ZNF81: variants seen among roughly 807,000 people sequenced by gnomAD.
ZNF81 encodes zinc finger protein 81, also known as zinc finger protein 81 (HFZ20).
ZNF81 carries 5 observed loss-of-function variants against 32.3 expected under a neutral mutation model. That is an observed-to-expected ratio of 0.15 (90% CI 0.08 to 0.33). The LOEUF (loss-of-function observed/expected upper bound fraction) is 0.33. ZNF81 is among the 10% of genes least tolerant of loss of function. ZNF81 has a pLI of 1.00. For missense variants in ZNF81, 379 were observed against 479.8 expected (o/e 0.79, Z 1.96); for synonymous variants, 163 against 166.8 (o/e 0.98, Z 0.17).
intron 2 of ZNF81, among the ~76,000 whole-genome samples, chrX:47,880,925 C>CTGCAGGGTACTGAGGTGG (rs1413458519): frequency 1.3e-4 from 14 of 111,872 alleles, no homozygotes; most frequent in African/African-American, 4.2e-4. Context: ...GGTGGGGACT[C>CTGCAGGGTACTGAGGTGG]TGCAGGGTCC....
chrX:47,920,191 G>C lies in ZNF81; in HGVS notation c.*3559G>C, dbSNP rs1358264864. ...CTATTGTTATCTTATGCTTGAGGTAGGCACTGGTTTGCCCAGAGAATTTTT... is the reference window on the plus strand; with the variant it reads ...CTATTGTTATCTTATGCTTGAGGTACGCACTGGTTTGCCCAGAGAATTTTT... On this transcript the variant is annotated 3_prime_UTR_variant, in exon 5 of 5. Coordinates refer to ENST00000338637, the MANE Select transcript of ZNF81 (RefSeq NM_007137.5). 1.8e-5 allele frequency: 2 copies of C among 111,873 alleles called. No homozygotes were observed. Among genetic ancestry groups the C allele is most frequent in the African/African-American group, 6.5e-5 (2 of 30,730 alleles). 9.2% of individuals were successfully genotyped at this position (111,873 alleles called of 1,213,427 possible).
At position 47,923,522 on chromosome X, in the gene ZNF81, T is replaced by A. The variant is rs1314257372; in HGVS notation, c.*6890T>A. 8.9e-6 allele frequency among the ~76,000 whole-genome samples: 1 copy of A among 112,046 alleles called. No homozygotes were observed. The highest frequency in any genetic ancestry group is 1.9e-5 in the Non-Finnish European group (1 of 53,179). ...ATGGAGGACTTGTCCAAATTAGACA[T>A]CAATTCATATGAGGATGGAAAATTG... On this transcript the variant is annotated 3_prime_UTR_variant, in exon 5 of 5. Coordinates refer to ENST00000338637, the MANE Select transcript of ZNF81 (RefSeq NM_007137.5).
chrX:47,855,495 T>A (rs2058513096), intron 2 of ZNF81, among the ~76,000 whole-genome samples: 1 of 111,716 alleles, frequency 9.0e-6, no homozygotes, highest in African/African-American at 3.3e-5. Context: ...TCCTGTTCCA[T>A]TGAGCTAATA....
At position 47,855,451 on chromosome X, in the gene ZNF81, ACT is replaced by A. The variant is rs1465391827; in HGVS notation, c.54+9133_54+9134del. ...GCCTATACATACATTCCAAGATATA[ACT>A]CTGAGTATATTGGGTATATTTCTGG... On this transcript the variant is annotated intron_variant, in intron 2 of 4. Coordinates refer to ENST00000338637, the MANE Select transcript of ZNF81 (RefSeq NM_007137.5). 7.3e-5 allele frequency among the ~76,000 whole-genome samples: 8 copies of A among 110,238 alleles called. 1 individual carries two copies. In the South Asian group the frequency reaches 3.1e-3, roughly 42 times the overall value.
chrX:47,852,512 C>T (rs2058499563), intron 2 of ZNF81, among the ~76,000 whole-genome samples: 1 of 112,162 alleles, frequency 8.9e-6, no homozygotes, highest in Non-Finnish European at 1.9e-5. Context: ...CTGTCATTTC[C>T]ACACTGTCCA....
Position 47,922,750 on chromosome X carries a change from AC to A in ZNF81, c.*6119del, listed in dbSNP as rs2058781068. On this transcript the variant is annotated 3_prime_UTR_variant, in exon 5 of 5. Transcript: ENST00000338637. Reference sequence around the variant, plus strand: ...AGTACCACAAATTGGGCAGCCTAAAACAGCAGAAATTGTCTCATTGTTCTTG... The same window carrying A: ...AGTACCACAAATTGGGCAGCCTAAAAAGCAGAAATTGTCTCATTGTTCTTG... Among the ~76,000 whole-genome samples, 1 of 111,849 alleles carries A rather than the reference AC, an allele frequency of 8.9e-6. No individual in the cohort carries two copies. The highest frequency in any genetic ancestry group is 1.9e-5 in the Non-Finnish European group (1 of 53,159).
In ZNF81 at chrX:47,916,570, G is replaced by A. The variant is rs188666629; in HGVS notation, c.1924G>A (p.Asp642Asn). ...HTGDKPYKCS[D>N]CGKGFTQKSV... ...TGGAGATAAACCGTATAAATGCAGC[G>A]ACTGTGGAAAGGGGTTCACCCAGAA... The change falls in exon 5 of 5, where the codon GAC (aspartate) becomes AAC (asparagine). Residue 642 changes from aspartate (D) to asparagine (N), a missense_variant. Around this residue, in one of 2 missense-constraint regions of ZNF81, gnomAD observed 102 missense variants for 173.2 expected, o/e 0.59. Transcript: ENST00000338637. The A allele has an allele frequency of 2.1e-5, 25 of 1,200,619 alleles. No homozygotes were observed. The highest frequency in any genetic ancestry group is 8.9e-5 in the East Asian group (3 of 33,660).
At position 47,915,221 on chromosome X, in the gene ZNF81, G is replaced by A. The variant is rs1556890481; in HGVS notation, c.575G>A (p.Arg192His). 11 of 1,209,115 alleles carry A rather than the reference G, an allele frequency of 9.1e-6. No individual in the cohort carries two copies. The highest frequency in any genetic ancestry group is 3.0e-5 in the East Asian group (1 of 33,814). ...LILSQKRPHK[R>H]DSFGKSFKHN... ...CTTTCACAGAAAAGACCCCATAAAC[G>A]TGATTCATTTGGGAAGAGTTTTAAG... Residue 192 changes from arginine (R) to histidine (H), a missense_variant, in exon 5 of 5, where the codon CGT becomes CAT. This residue lies in a region of ZNF81 where 277 missense variants were observed against 306.6 expected (regional missense o/e 0.90). Transcript: ENST00000338637.
intron 4 of ZNF81, among the ~76,000 whole-genome samples, chrX:47,897,146 G>A (rs782708108): frequency 6.2e-5 from 7 of 112,214 alleles, no homozygotes; most frequent in African/African-American, 2.3e-4. Flanking sequence ...GTAAGAAATT[G>A]CCAAACTGTA....
intron 4 of ZNF81, among the ~76,000 whole-genome samples, chrX:47,905,143 A>G (rs1243298174): frequency 9.1e-6 from 1 of 109,567 alleles, no homozygotes; most frequent in Non-Finnish European, 1.9e-5. Flanking sequence ...TAGCACACCA[A>G]CATGGCACAT....
chrX:47,843,349 C>T (rs2058457642), intron 1 of ZNF81, among the ~76,000 whole-genome samples: 1 of 109,840 alleles, frequency 9.1e-6, no homozygotes, highest in Non-Finnish European at 1.9e-5. Context: ...GACATGGTCT[C>T]CTAATCAAAT....
intron 3 of ZNF81, among the ~76,000 whole-genome samples, chrX:47,893,771 G>A (rs1398293026): frequency 3.0e-5 from 3 of 99,751 alleles, no homozygotes; most frequent in African/African-American, 1.1e-4. Context: ...CTCCAGCCTG[G>A]GTGACAGAGT....
chrX:47,913,742 G>A (rs2148044438), intron 4 of ZNF81, among the ~76,000 whole-genome samples: 1 of 111,814 alleles, frequency 8.9e-6, no homozygotes, highest in South Asian at 3.8e-4. Context: ...ACAGTGTGGT[G>A]TCAACAAAGT....
At chrX:47,907,637 T>C (rs782210452) in intron 4 of ZNF81, among the ~76,000 whole-genome samples, 8 of 111,720 alleles carry the variant, frequency 7.2e-5, no homozygotes, top group Admixed American at 3.8e-4. Context: ...ATTAACACAA[T>C]TGATAAATTT....
chrX:47,889,761 G>C (rs1175264256), intron 3 of ZNF81, among the ~76,000 whole-genome samples: 1 of 111,709 alleles, frequency 9.0e-6, no homozygotes, highest in Non-Finnish European at 1.9e-5. Flanking sequence ...CATGGCGGAA[G>C]GCAAAGGGGA....
intron 2 of ZNF81, among the ~76,000 whole-genome samples, chrX:47,867,763 G>GTTCT (rs201230707): frequency 0.063 from 6,989 of 111,738 alleles, 249 homozygotes; most frequent in African/African-American, 0.14. Flanking sequence ...CGTATTGCTT[G>GTTCT]TTAAGATGAT....
At chrX:47,884,014 G>A (rs1305339670) in intron 2 of ZNF81, among the ~76,000 whole-genome samples, 5 of 110,303 alleles carry the variant, frequency 4.5e-5, no homozygotes, top group East Asian at 2.9e-4. Context: ...TTGGGAGGCC[G>A]AGGCAGGTGG....
intron 2 of ZNF81, among the ~76,000 whole-genome samples, chrX:47,860,146 G>A (rs377473262): frequency 6.8e-4 from 73 of 107,398 alleles, no homozygotes; most frequent in African/African-American, 2.3e-3. Flanking sequence ...TTTCCTGGGT[G>A]ATAGGAGCAT....
chrX:47,849,627 G>T (rs1228235128), intron 2 of ZNF81, among the ~76,000 whole-genome samples: 2 of 107,905 alleles, frequency 1.9e-5, no homozygotes, highest in Non-Finnish European at 3.8e-5. Context: ...AGCTAAGATC[G>T]CGCCACTGCA....
Sources: gnomAD v4.1 joint callset for allele counts (sites outside exome capture counted in the v4.1 genomes callset) on GRCh38, gnomAD v4.1.1 for gene constraint, gnomAD v4.1.1 regional missense constraint, MANE v1.5 for transcripts, NCBI Gene and HGNC (gene_info 2026-07-23, HGNC 2026-07-21) for gene names.